ZNF469: variants seen among roughly 807,000 people sequenced by gnomAD.
ZNF469 encodes zinc finger protein 469.
A neutral mutation model predicts 1.0 loss-of-function variants in ZNF469; 1 was observed. The observed-to-expected ratio is 1.00, with a 90% confidence interval of 0.35 to 4.73. ZNF469 has a LOEUF of 4.73. Among genes scored for constraint, ZNF469 ranks in the 30% most tolerant of loss-of-function variants. The pLI, the probability that ZNF469 is intolerant of heterozygous loss-of-function variation, is 0.16. For missense variants in ZNF469, 6,100 were observed against 5,356.3 expected (o/e 1.14, Z -4.33); for synonymous variants, 2,703 against 2,363.4 (o/e 1.14, Z -4.17).
At chr16:88,276,175 C>T in the ZNF469 span, among the ~76,000 whole-genome samples, 18 of 152,226 alleles carry the variant, frequency 1.2e-4, no homozygotes, top group African/African-American at 4.3e-4. Flanking sequence ...AAAACGAGGC[C>T]CCTGCACAGG....
At chr16:88,159,578 C>T in the ZNF469 span, among the ~76,000 whole-genome samples, 37 of 152,270 alleles carry the variant, frequency 2.4e-4, no homozygotes, top group East Asian at 7.2e-3. Flanking sequence ...GCAGCCCTTC[C>T]CCGCATTCTC....
chr16:88,317,080 G>A, the ZNF469 span, among the ~76,000 whole-genome samples: 3 of 152,262 alleles, frequency 2.0e-5, no homozygotes, highest in East Asian at 1.9e-4. Flanking sequence ...GGGGCCGGCC[G>A]GCCAGAGGCT....
chr16:88,239,098 T>C, the ZNF469 span, among the ~76,000 whole-genome samples: 1 of 152,196 alleles, frequency 6.6e-6, no homozygotes, highest in South Asian at 2.1e-4. Context: ...AATGGCTGTC[T>C]GGAGTCTGGG....
In ZNF469 at chr16:88,429,560, TGGGTCG is replaced by T; in HGVS notation, c.2094_2099del (p.Arg699_Gly700del). On this transcript the variant is annotated inframe_deletion, in exon 3 of 3. Coordinates refer to ENST00000565624, the MANE Select transcript of ZNF469 (RefSeq NM_001367624.2). Reference sequence around the variant, plus strand: ...CCATTCCCCCACGAGGGCCCCGAGGTGGGTCGGGGAGGGCTGCAGGGCTTCCCCCGT... The same window carrying T: ...CCATTCCCCCACGAGGGCCCCGAGGTGGGAGGGCTGCAGGGCTTCCCCCGT... 1 of 1,549,958 alleles carries T rather than the reference TGGGTCG, an allele frequency of 6.5e-7. No homozygotes were observed. The highest frequency in any genetic ancestry group is 8.7e-7 in the Non-Finnish European group (1 of 1,146,830).
At chr16:88,353,226 CA>C in the ZNF469 span, among the ~76,000 whole-genome samples, 1 of 152,204 alleles carries the variant, frequency 6.6e-6, no homozygotes, top group African/African-American at 2.4e-5. Flanking sequence ...CCAGCCCTCT[CA>C]CTCGAGACGT....
At chr16:88,136,061 C>G in the ZNF469 span, among the ~76,000 whole-genome samples, 2 of 152,058 alleles carry the variant, frequency 1.3e-5, no homozygotes, top group Non-Finnish European at 2.9e-5. Context: ...GCCCGGCCAG[C>G]CATGTTTTAT....
the ZNF469 span, among the ~76,000 whole-genome samples, chr16:88,242,223 G>A: frequency 6.6e-6 from 1 of 152,168 alleles, no homozygotes; most frequent in African/African-American, 2.4e-5. Context: ...AAGGTTCAAG[G>A]GCTTCTCATC....
chr16:88,435,293 A>T lies in ZNF469; in HGVS notation c.7823A>T (p.Glu2608Val). Residue 2608 changes from glutamate (E) to valine (V), a missense_variant, in exon 3 of 3, where the codon GAA becomes GTA. Physicochemically the swap from Glu to Val is moderately radical, Grantham distance 121. Coordinates refer to ENST00000565624, the MANE Select transcript of ZNF469 (RefSeq NM_001367624.2). ...REDELHPKQAEKREGRRWRRE... is the reference protein window; with the variant it reads ...REDELHPKQAVKREGRRWRRE... The stretch of plus-strand genomic sequence containing the variant: ...GATGAGCTGCATCCCAAACAGGCAG[A>T]AAAAAGAGAAGGCCGGAGGTGGCGC... The T allele has an allele frequency of 8.4e-6, 13 of 1,550,382 alleles. No homozygotes were observed. Among genetic ancestry groups the T allele is most frequent in the Non-Finnish European group, 1.1e-5 (13 of 1,146,986 alleles).
In ZNF469 at chr16:88,429,259, G is replaced by A. The variant is rs977459633; in HGVS notation, c.1789G>A (p.Ala597Thr). The stretch of plus-strand genomic sequence containing the variant: ...CAGCGAGTCCCCACTGCCGTCACCG[G>A]CCACCAACACGGCCGGCAGCACCTG... ...SPSESPLPSP[A>T]TNTAGSTCSS... Residue 597 changes from alanine (A) to threonine (T), a missense_variant, in exon 3 of 3, where the codon GCC becomes ACC. Transcript: ENST00000565624. 9 of 1,549,682 alleles carry A rather than the reference G, an allele frequency of 5.8e-6. No homozygotes were observed. In the African/African-American group the frequency reaches 9.6e-5, roughly 17 times the overall value.
At chr16:88,235,977 C>G in the ZNF469 span, among the ~76,000 whole-genome samples, 1 of 152,312 alleles carries the variant, frequency 6.6e-6, no homozygotes, top group South Asian at 2.1e-4. Context: ...GGTTCAAAGA[C>G]TTTCTGATTA....
the ZNF469 span, among the ~76,000 whole-genome samples, chr16:88,229,581 A>G: frequency 7.0e-6 from 1 of 142,876 alleles, no homozygotes; most frequent in African/African-American, 2.6e-5. Context: ...TTGTGCGCTG[A>G]TGTCACGCGT....
chr16:88,308,529 C>T, the ZNF469 span, among the ~76,000 whole-genome samples: 1 of 152,228 alleles, frequency 6.6e-6, no homozygotes, highest in African/African-American at 2.4e-5. Context: ...CCCCTCCACA[C>T]TCTGTTCTCT....
the ZNF469 span, among the ~76,000 whole-genome samples, chr16:88,370,620 G>A: frequency 6.6e-6 from 1 of 152,140 alleles, no homozygotes; most frequent in Non-Finnish European, 1.5e-5. Flanking sequence ...TGTGTCCAGG[G>A]CCCACTCCTG....
At chr16:88,332,754 C>T in the ZNF469 span, among the ~76,000 whole-genome samples, 4 of 152,282 alleles carry the variant, frequency 2.6e-5, no homozygotes, top group African/African-American at 9.6e-5. Flanking sequence ...GGGCCCCCAG[C>T]ACCACTGCTC....
chr16:88,120,729 G>T, the ZNF469 span, among the ~76,000 whole-genome samples: 4 of 152,208 alleles, frequency 2.6e-5, no homozygotes, highest in African/African-American at 4.8e-5. Flanking sequence ...ACGGTGGAAG[G>T]CCTGAGCCCC....
chr16:88,223,106 C>T, the ZNF469 span, among the ~76,000 whole-genome samples: 3 of 152,314 alleles, frequency 2.0e-5, no homozygotes, highest in African/African-American at 7.2e-5. Flanking sequence ...CAGGTGTCCC[C>T]TAATAGGGGA....
At chr16:88,234,832 C>T in the ZNF469 span, 5 of 152,202 alleles carry the variant, frequency 3.3e-5, no homozygotes, top group Admixed American at 6.5e-5. Flanking sequence ...AAGCCTGGGG[C>T]GGCCGGACGC....
Position 88,437,619 on chromosome 16 carries a change from C to A in ZNF469, c.10149C>A (p.His3383Gln). Reference protein sequence around the residue: ...VYPEHGELLAHLGGAHGLLER... With the variant: ...VYPEHGELLAQLGGAHGLLER... ...CCGAGCACGGGGAGCTGCTGGCACA[C>A]CTGGGCGGGGCGCACGGGCTGCTGG... is the stretch of plus-strand genomic sequence containing the variant. The change falls in exon 3 of 3, where the codon CAC (histidine) becomes CAA (glutamine). Residue 3383 changes from histidine (H) to glutamine (Q), a missense_variant. Coordinates refer to ENST00000565624, the MANE Select transcript of ZNF469 (RefSeq NM_001367624.2). The A allele has an allele frequency of 1.3e-6, 2 of 1,540,356 alleles. No homozygotes were observed. Among genetic ancestry groups the A allele is most frequent in the Non-Finnish European group, 1.8e-6 (2 of 1,139,668 alleles).
Position 88,429,252 on chromosome 16 carries a change from G to A in ZNF469, c.1782G>A (p.Pro594=), listed in dbSNP as rs574891457. The change falls in exon 3 of 3, where the codon CCG becomes CCA. Residue 594 remains proline, a synonymous_variant. Coordinates refer to ENST00000565624, the MANE Select transcript of ZNF469 (RefSeq NM_001367624.2). ...VGASPSESPL[P]SPATNTAGST... is the part of the protein sequence containing the mutation. ...CCTCCCCCAGCGAGTCCCCACTGCC[G>A]TCACCGGCCACCAACACGGCCGGCA... The A allele has an allele frequency of 4.0e-5, 62 of 1,549,736 alleles. No individual in the cohort carries two copies. Among genetic ancestry groups the A allele is most frequent in the South Asian group, 3.2e-4 (27 of 84,044 alleles).
Sources: gnomAD v4.1 joint callset for allele counts (sites outside exome capture counted in the v4.1 genomes callset) on GRCh38, gnomAD v4.1.1 for gene constraint, MANE v1.5 for transcripts, NCBI Gene and HGNC (gene_info 2026-07-23, HGNC 2026-07-21) for gene names.